The following KCNN2 variants were observed in gnomAD, a reference collection of about 807,000 sequenced individuals.
KCNN2 encodes the protein small conductance calcium-activated potassium channel protein 2.
Under a neutral mutation model 55.5 loss-of-function variants are expected in KCNN2, and 24 were observed. The ratio of observed to expected loss-of-function variants is 0.43; its 90% CI spans 0.31 to 0.61. The LOEUF is 0.61. Among genes scored for constraint, KCNN2 ranks in the 20% least tolerant of loss-of-function variants. The probability of loss-of-function intolerance (pLI) is 0.08; values close to 1 mark genes in which losing one functional copy is unlikely to be tolerated. For synonymous variants in KCNN2, 431 were observed against 336.1 expected (o/e 1.28, Z -3.09); for missense variants, 754 against 853.6 (o/e 0.88, Z 1.45).
At chr5:114,293,614 T>C (rs1397620672) in intron 2 of KCNN2, among the ~76,000 whole-genome samples, 2 of 152,234 alleles carry the variant, frequency 1.3e-5, no homozygotes, top group Non-Finnish European at 2.9e-5. Flanking sequence ...TTGAGGATTT[T>C]TGCATCAATG....
intron 3 of KCNN2, among the ~76,000 whole-genome samples, chr5:114,441,206 G>A (rs756133734): frequency 5.3e-5 from 8 of 152,072 alleles, no homozygotes; most frequent in Non-Finnish European, 1.0e-4. Flanking sequence ...AAAACAGTGA[G>A]CAAACTAGAG....
intron 1 of KCNN2, among the ~76,000 whole-genome samples, chr5:114,143,995 C>G (rs1752344774): frequency 6.6e-6 from 1 of 152,112 alleles, no homozygotes; most frequent in Admixed American, 6.6e-5. Context: ...AAAAATTTTA[C>G]CCATTGAATG....
chr5:114,234,798 C>G (rs989553055), intron 2 of KCNN2, among the ~76,000 whole-genome samples: 1 of 151,930 alleles, frequency 6.6e-6, no homozygotes, highest in African/African-American at 2.4e-5. Flanking sequence ...TTGTGGGCCT[C>G]CCTGGAACTG....
At chr5:114,148,106 A>C (rs187253948) in intron 1 of KCNN2, among the ~76,000 whole-genome samples, 2 of 152,334 alleles carry the variant, frequency 1.3e-5, no homozygotes, top group South Asian at 4.1e-4. Flanking sequence ...CTTTCCATTC[A>C]TATCTAGCTG....
chr5:114,475,192 AT>A (rs1214754477), intron 5 of KCNN2, among the ~76,000 whole-genome samples: 3 of 152,090 alleles, frequency 2.0e-5, no homozygotes, highest in Non-Finnish European at 2.9e-5. Flanking sequence ...AACCAGTTTC[AT>A]TTGGGAGACA....
intron 2 of KCNN2, among the ~76,000 whole-genome samples, chr5:114,321,390 G>A (rs1453677565): frequency 6.6e-6 from 1 of 152,118 alleles, no homozygotes; most frequent in Non-Finnish European, 1.5e-5. Context: ...AGGTCTACAT[G>A]TTTCTAAAAG....
chr5:114,460,458 G>C (rs1260381329), intron 3 of KCNN2, among the ~76,000 whole-genome samples: 1 of 152,054 alleles, frequency 6.6e-6, no homozygotes, highest in East Asian at 1.9e-4. Flanking sequence ...GGCCCAAGCT[G>C]GTCCCGAACT....
At chr5:114,069,272 C>T (rs180679208) in intron 1 of KCNN2, among the ~76,000 whole-genome samples, 1 of 152,164 alleles carries the variant, frequency 6.6e-6, no homozygotes, top group African/African-American at 2.4e-5. Context: ...GCTCTCCTTC[C>T]CTGCCTGACT....
rs188629587 is a variant in KCNN2 at position 114,313,526 on chromosome 5, C to A, written c.-184-47419C>A. On this transcript the variant is annotated intron_variant, in intron 2 of 10. Transcript: ENST00000512097. ...TGATAAAAAGGTGCTGACGTGTGGA[C>A]AAAGATGAAGATGAAGATGAAATGT... is the stretch of plus-strand genomic sequence containing the variant. 3.3e-5 allele frequency among the ~76,000 whole-genome samples: 5 copies of A among 152,156 alleles called. No individual in the cohort carries two copies. In the East Asian group the frequency reaches 9.7e-4, roughly 29 times the overall value.
chr5:114,424,834 T>C (rs1343864345), intron 3 of KCNN2, among the ~76,000 whole-genome samples: 1 of 152,210 alleles, frequency 6.6e-6, no homozygotes, highest in Non-Finnish European at 1.5e-5. Flanking sequence ...GTACTTACAA[T>C]ATACACTGAA....
At chr5:114,182,086 T>G (rs1184916816) in intron 1 of KCNN2, among the ~76,000 whole-genome samples, 1 of 152,170 alleles carries the variant, frequency 6.6e-6, no homozygotes, top group Non-Finnish European at 1.5e-5. Context: ...TGGATATCCA[T>G]TTATTTCAGG....
intron 3 of KCNN2, among the ~76,000 whole-genome samples, chr5:114,422,476 G>C (rs921981): frequency 0.5 from 76,158 of 151,952 alleles, 20,779 homozygotes; most frequent in African/African-American, 0.73. Flanking sequence ...TCTCAGCCTT[G>C]AGAACTGTGA....
intron 1 of KCNN2, among the ~76,000 whole-genome samples, chr5:114,196,532 C>G (rs998026754): frequency 6.6e-6 from 1 of 151,820 alleles, no homozygotes; most frequent in Non-Finnish European, 1.5e-5. Flanking sequence ...TTCTTTTTAT[C>G]CATTTTTGGC....
intron 2 of KCNN2, among the ~76,000 whole-genome samples, chr5:114,365,373 T>C (rs182712423): frequency 4.6e-5 from 7 of 152,370 alleles, no homozygotes; most frequent in Non-Finnish European, 7.3e-5. Context: ...ATACTAGTGA[T>C]GGTTGGGCTT....
intron 1 of KCNN2, among the ~76,000 whole-genome samples, chr5:114,363,484 T>A (rs1390103216): frequency 6.6e-6 from 1 of 152,098 alleles, no homozygotes; most frequent in African/African-American, 2.4e-5. Context: ...CAGTTAAGAG[T>A]GCTCAGCGCA....
chr5:114,340,993 T>G (rs1268682305), intron 2 of KCNN2, among the ~76,000 whole-genome samples: 3 of 152,222 alleles, frequency 2.0e-5, no homozygotes. Flanking sequence ...AGATTCATCC[T>G]TGTCAAAAAG....
At chr5:114,069,021 T>C (rs1227593152) in intron 1 of KCNN2, among the ~76,000 whole-genome samples, 1 of 152,070 alleles carries the variant, frequency 6.6e-6, no homozygotes, top group African/African-American at 2.4e-5. Flanking sequence ...CACTACGTTG[T>C]ACAGGCTGGC....
chr5:114,165,226 ACTTCCTCCACCTCCT>A (rs1752884017), intron 1 of KCNN2, among the ~76,000 whole-genome samples: 1 of 151,882 alleles, frequency 6.6e-6, no homozygotes, highest in African/African-American at 2.4e-5. Flanking sequence ...TTCCCCTTTC[ACTTCCTCCACCTCCT>A]CTGCCTCTGT....
chr5:114,294,368 G>A (rs1755963266), intron 2 of KCNN2, among the ~76,000 whole-genome samples: 2 of 152,024 alleles, frequency 1.3e-5, no homozygotes, highest in African/African-American at 4.8e-5. Flanking sequence ...CTTTGAATGT[G>A]TCCCAGAGAT....
Sources: gnomAD v4.1 joint callset for allele counts (sites outside exome capture counted in the v4.1 genomes callset) on GRCh38, gnomAD v4.1.1 for gene constraint, MANE v1.5 for transcripts, NCBI Gene and HGNC (gene_info 2026-07-23, HGNC 2026-07-21) for gene names.